The following ARHGEF19 variants were observed in gnomAD, a reference collection of about 807,000 sequenced individuals.
ARHGEF19 encodes the protein Rho guanine nucleotide exchange factor 19.
Under a neutral mutation model 87.6 loss-of-function variants are expected in ARHGEF19, and 92 were observed. The observed-to-expected ratio is 1.05, with a 90% confidence interval of 0.89 to 1.25. The LOEUF is 1.25. ARHGEF19 is among the 50% of genes most tolerant of loss of function. ARHGEF19 has a pLI of 0.00. For missense variants in ARHGEF19, 1,054 were observed against 1,051.8 expected, an observed-to-expected ratio of 1.00 and a Z score of -0.03; for synonymous variants, 438 against 446.2, an observed-to-expected ratio of 0.98 and a Z score of 0.23.
rs148225711 is a variant in ARHGEF19, at chr1:16,208,916, A to T, written c.139T>A (p.Cys47Ser). The stretch of plus-strand genomic sequence containing the variant: ...GGGGCAACAGGGAAAAGGTCCAGAC[A>T]CACTGGGCTCGGGGGCTTCAGGGCG... ...LPALKPPSPV[C>S]LDLFPVAPEE... The change falls in exon 2 of 16, where the codon TGT becomes AGT. Residue 47 changes from cysteine (C) to serine (S), a missense_variant. Coordinates refer to ENST00000270747, the MANE Select transcript of ARHGEF19 (RefSeq NM_153213.5). 6.3e-7 allele frequency: 1 copy of T among 1,591,486 alleles called. No homozygotes were observed. The highest frequency in any genetic ancestry group is 1.9e-5 in the Admixed American group (1 of 53,748).
chr1:16,198,816 G>C lies in ARHGEF19; in HGVS notation c.2252-72C>G, dbSNP rs2081060582. 3.3e-6 allele frequency: 5 copies of C among 1,511,844 alleles called. No homozygotes were observed. The highest frequency in any genetic ancestry group is 3.5e-6 in the Non-Finnish European group (4 of 1,127,948). 93.7% of individuals were successfully genotyped at this position (1,511,844 alleles called of 1,614,324 possible). Reference sequence around the variant, plus strand: ...GCCAGGCCTGGAAGGGAACACCACAGCCCTGATGCAAGCTTTGTCTGCACC... The same window carrying C: ...GCCAGGCCTGGAAGGGAACACCACACCCCTGATGCAAGCTTTGTCTGCACC... On this transcript the variant is annotated intron_variant, in intron 15 of 15. Coordinates refer to ENST00000270747, the MANE Select transcript of ARHGEF19 (RefSeq NM_153213.5). This position sits in a 1 kb window ranked among gnomAD's most constrained non-coding sequence, Gnocchi z 4.1.
At chr1:16,199,054 C>T (rs221032) in intron 15 of ARHGEF19, 96 bp downstream of exon 15, 317,573 of 1,234,562 alleles carry the variant, frequency 0.26, 44,037 homozygotes, top group Admixed American at 0.42. Flanking sequence ...GGCAGATCAA[C>T]ACTTGCAGAA....
rs170234 is a variant in ARHGEF19, at chr1:16,207,322, T to C, written c.875-112A>G. The C allele has an allele frequency of 0.26, 370,166 of 1,413,628 alleles. 50,856 individuals are homozygous for C. The highest frequency in any genetic ancestry group is 0.42 in the Admixed American group (16,236 of 38,602). 87.6% of individuals were successfully genotyped at this position (1,413,628 alleles called of 1,614,324 possible). On this transcript the variant is annotated intron_variant, in intron 5 of 15. Transcript: ENST00000270747. The surrounding 1 kb of genome is among the most constrained non-coding windows in gnomAD (Gnocchi z 4.0). ...CTTAACCTTTGCCGCGGTTCGGATA[T>C]CTGGACACAGTGAATTCATTCATTC...
Position 16,206,563 on chromosome 1 carries a change from C to T in ARHGEF19, c.1138-223G>A, listed in dbSNP as rs2081138012. The T allele has an allele frequency of 1.7e-6, 1 of 571,756 alleles. No homozygotes were observed. The highest frequency in any genetic ancestry group is 3.1e-6 in the Non-Finnish European group (1 of 321,418). 35.4% of individuals were successfully genotyped at this position (571,756 alleles called of 1,614,324 possible). Reference sequence around the variant, plus strand: ...CCCGCCCCTCTCCTAAGCCCCGCCCCGACGCGTTCTTCCCAGAGCCCCGCC... The same window carrying T: ...CCCGCCCCTCTCCTAAGCCCCGCCCTGACGCGTTCTTCCCAGAGCCCCGCC... On this transcript the variant is annotated intron_variant, in intron 6 of 15. Transcript: ENST00000270747. This position sits in a 1 kb window ranked among gnomAD's most constrained non-coding sequence, Gnocchi z 4.6.
chr1:16,202,644 G>A, intron 12 of ARHGEF19, 70 bp from the exon 13 acceptor site: 2 of 1,563,930 alleles, frequency 1.3e-6, no homozygotes, highest in East Asian at 2.2e-5. Context: ...CTCGGGATCA[G>A]GTGGGTTCTG....
At chr1:16,204,688 T>C (rs2081109064) in intron 12 of ARHGEF19, 71 bp downstream of exon 12, 4 of 1,495,854 alleles carry the variant, frequency 2.7e-6, no homozygotes, top group East Asian at 2.3e-5. Flanking sequence ...GGACTGGTCA[T>C]AAGCCCAGTG....
rs1230240792 is a variant in ARHGEF19, at chr1:16,206,237, G to A, written c.1241C>T (p.Ala414Val). 1.9e-6 allele frequency: 3 copies of A among 1,596,398 alleles called. No individual in the cohort carries two copies. Among genetic ancestry groups the A allele is most frequent in the Admixed American group, 1.8e-5 (1 of 56,878 alleles). ...GSAELSECLG[A>V]QDKQWLFSKL... Reference sequence around the variant, plus strand: ...GGAAAACAGCCACTGCTTGTCCTGCGCCCCCAGACACTCGCTCAGCTCGGC... The same window carrying A: ...GGAAAACAGCCACTGCTTGTCCTGCACCCCCAGACACTCGCTCAGCTCGGC... The change falls in exon 7 of 16, where the codon GCG (alanine) becomes GTG (valine). Residue 414 changes from alanine to valine, a missense_variant. Physicochemically the swap from Ala to Val is moderately conservative, Grantham distance 64 (BLOSUM62 0). Coordinates refer to ENST00000270747, the MANE Select transcript of ARHGEF19 (RefSeq NM_153213.5). The surrounding 1 kb of genome is among the most constrained non-coding windows in gnomAD (Gnocchi z 4.6).
chr1:16,207,073 T>G lies in ARHGEF19; in HGVS notation c.1012A>C (p.Ser338Arg), dbSNP rs540837636. 5.3e-6 allele frequency: 8 copies of G among 1,509,790 alleles called. No homozygotes were observed. The South Asian group carries it at 1.0e-4, about 19-fold the overall frequency. 93.5% of individuals were successfully genotyped at this position (1,509,790 alleles called of 1,614,324 possible). A position where few individuals can be genotyped will look rare whatever the true frequency, so the allele number is the denominator to read the frequency against. ...PGPPRANLSP[S>R]SSFRAQRSAR... ...GAGCGCTGCGCCCGGAAGGAGCTGC[T>G]GGGGGAGAGGTTGGCCCGCGGCGGC... Residue 338 changes from serine to arginine, a missense_variant, in exon 6 of 16, where the codon AGC (serine) becomes CGC (arginine). Transcript: ENST00000270747. This position sits in a 1 kb window ranked among gnomAD's most constrained non-coding sequence, Gnocchi z 4.0.
Position 16,206,551 on chromosome 1 carries a change from T to G in ARHGEF19, c.1138-211A>C. 3.6e-6 allele frequency: 2 copies of G among 558,922 alleles called. No individual in the cohort carries two copies. Among genetic ancestry groups the G allele is most frequent in the East Asian group, 3.2e-5 (1 of 31,732 alleles). 34.6% of individuals were successfully genotyped at this position (558,922 alleles called of 1,614,324 possible). A position where few individuals can be genotyped will look rare whatever the true frequency, so the allele number is the denominator to read the frequency against. ...CCTGTCCTCGATCCCGCCCCTCTCC[T>G]AAGCCCCGCCCCGACGCGTTCTTCC... On this transcript the variant is annotated intron_variant, in intron 6 of 15. Coordinates refer to ENST00000270747, the MANE Select transcript of ARHGEF19 (RefSeq NM_153213.5). The surrounding 1 kb of genome is among the most constrained non-coding windows in gnomAD (Gnocchi z 4.6).
At position 16,199,316 on chromosome 1, in the gene ARHGEF19, G is replaced by A. The variant is rs2081066034; in HGVS notation, c.2147-62C>T. On this transcript the variant is annotated intron_variant, in intron 14 of 15. Coordinates refer to ENST00000270747, the MANE Select transcript of ARHGEF19 (RefSeq NM_153213.5). ...CAGGATGGCAGGGGGAGGAGCATGG[G>A]TAGGGCAGGGAGGGGCAGTAGGAGG... The A allele has an allele frequency of 6.3e-6, 9 of 1,420,494 alleles. No individual in the cohort carries two copies. In the South Asian group the frequency reaches 9.2e-5, roughly 15 times the overall value. 88.0% of individuals were successfully genotyped at this position (1,420,494 alleles called of 1,614,324 possible).
rs1473503350 is a variant in ARHGEF19, at chr1:16,207,287, G to A, written c.875-77C>T. 14 of 1,447,874 alleles carry A rather than the reference G, an allele frequency of 9.7e-6. No individual in the cohort carries two copies. The African/African-American group carries it at 1.9e-4, about 19-fold the overall frequency. The allele number at this position is 1,447,874 out of a possible 1,614,324, so 89.7% of individuals were successfully genotyped here. A position where few individuals can be genotyped will look rare whatever the true frequency, so the allele number is the denominator to read the frequency against. ...CGGCTTTTCCTCGGTTCCCTCAAGAGCCCGCGTCACTTAACCTTTGCCGCG... is the reference window on the plus strand; with the variant it reads ...CGGCTTTTCCTCGGTTCCCTCAAGAACCCGCGTCACTTAACCTTTGCCGCG... On this transcript the variant is annotated intron_variant, in intron 5 of 15. Transcript: ENST00000270747. This position sits in a 1 kb window ranked among gnomAD's most constrained non-coding sequence, Gnocchi z 4.0.
intron 13 of ARHGEF19, 118 bp downstream of exon 13, chr1:16,202,298 G>T: frequency 7.1e-7 from 1 of 1,399,978 alleles, no homozygotes; most frequent in Non-Finnish European, 9.6e-7. Flanking sequence ...ACTTGGGGAG[G>T]AACAAGGCCA....
Position 16,207,312 on chromosome 1 carries a change from G to T in ARHGEF19, c.875-102C>A. 1 of 1,425,476 alleles carries T rather than the reference G, an allele frequency of 7.0e-7. No homozygotes were observed. Among genetic ancestry groups the T allele is most frequent in the Non-Finnish European group, 9.2e-7 (1 of 1,086,688 alleles). 88.3% of individuals were successfully genotyped at this position (1,425,476 alleles called of 1,614,324 possible). A position where few individuals can be genotyped will look rare whatever the true frequency, so the allele number is the denominator to read the frequency against. On this transcript the variant is annotated intron_variant, in intron 5 of 15. Coordinates refer to ENST00000270747, the MANE Select transcript of ARHGEF19 (RefSeq NM_153213.5). This position sits in a 1 kb window ranked among gnomAD's most constrained non-coding sequence, Gnocchi z 4.0. ...GCCCGCGTCACTTAACCTTTGCCGC[G>T]GTTCGGATATCTGGACACAGTGAAT...
chr1:16,199,222 T>C lies in ARHGEF19; in HGVS notation c.2179A>G (p.Lys727Glu). ...GTCAGCTCATCTGGGTGCAGTGCCT[T>C]GTATGTCCTAACACACTGAACCTGG... ...CPQVQCVRTY[K>E]ALHPDELTLE... The change falls in exon 15 of 16, where the codon AAG becomes GAG. Residue 727 changes from lysine to glutamate, a missense_variant. Lys to Glu is a moderately conservative substitution (Grantham distance 56). Transcript: ENST00000270747. The C allele has an allele frequency of 6.2e-7, 1 of 1,613,972 alleles. No homozygotes were observed. The highest frequency in any genetic ancestry group is 8.5e-7 in the Non-Finnish European group (1 of 1,179,934).
chr1:16,209,029 AG>A lies in ARHGEF19; in HGVS notation c.25del (p.Leu9SerfsTer5), dbSNP rs1324308720. The A allele has an allele frequency of 6.7e-7, 1 of 1,496,430 alleles. No homozygotes were observed. Among genetic ancestry groups the A allele is most frequent in the East Asian group, 2.4e-5 (1 of 42,356 alleles). 92.7% of individuals were successfully genotyped at this position (1,496,430 alleles called of 1,614,324 possible). Reference sequence around the variant, plus strand: ...AGGTGGCCCAGTCAGGTGGGGCTGGAGGGTAGCAGGTGGCCCACAGTCCATT... The same window carrying A: ...AGGTGGCCCAGTCAGGTGGGGCTGGAGGTAGCAGGTGGCCCACAGTCCATT... MDCGPPATLQPHLTGPPGT... is the reference protein window; with the variant it reads MDCGPPATXQPHLTGPPGT... On this transcript the variant is annotated frameshift_variant, in exon 2 of 16. Coordinates refer to ENST00000270747, the MANE Select transcript of ARHGEF19 (RefSeq NM_153213.5). LOFTEE classifies it high-confidence loss of function.
chr1:16,201,714 G>A, intron 14 of ARHGEF19, 68 bp downstream of exon 14: 1 of 1,532,770 alleles, frequency 6.5e-7, no homozygotes, highest in Non-Finnish European at 8.9e-7. Flanking sequence ...ACAGCACCCA[G>A]GATGGGAGGG....
Position 16,205,688 on chromosome 1 carries a change from T to C in ARHGEF19, c.1452-21A>G. ...CCAGGCTGGAAAATGGGGAGGACTC[T>C]GGAATCACAGGTAGGCCTGAATTCC... is the stretch of plus-strand genomic sequence containing the variant. On this transcript the variant is annotated intron_variant, in intron 8 of 15. Transcript: ENST00000270747. The surrounding 1 kb of genome is among the most constrained non-coding windows in gnomAD (Gnocchi z 5.8). 1 of 1,593,180 alleles carries C rather than the reference T, an allele frequency of 6.3e-7. No homozygotes were observed. The highest frequency in any genetic ancestry group is 8.5e-7 in the Non-Finnish European group (1 of 1,171,340).
At chr1:16,211,173 G>A (rs1361069187) in intron 1 of ARHGEF19, among the ~76,000 whole-genome samples, 1 of 152,236 alleles carries the variant, frequency 6.6e-6, no homozygotes, top group East Asian at 1.9e-4. Flanking sequence ...TCTTTCTCTA[G>A]ACAGAAGGCA....
At chr1:16,202,301 C>A in intron 13 of ARHGEF19, 115 bp downstream of exon 13, 7 of 1,412,258 alleles carry the variant, frequency 5.0e-6, no homozygotes, top group Non-Finnish European at 6.7e-6. Flanking sequence ...TGGGGAGGAA[C>A]AAGGCCAGGA....
Sources: allele counts gnomAD v4.1 joint callset (sites outside exome capture counted in the v4.1 genomes callset), GRCh38; gene constraint gnomAD v4.1.1; non-coding constraint Gnocchi (gnomAD v3.1); transcripts MANE v1.5; gene names NCBI Gene and HGNC (gene_info 2026-07-23, HGNC 2026-07-21).